The following ARHGAP10 variants were observed in gnomAD, a reference collection of about 807,000 sequenced individuals.
ARHGAP10 encodes Rho GTPase activating protein 10.
In ARHGAP10, 87 loss-of-function variants were observed where a neutral mutation model predicts 108.6. That is an observed-to-expected ratio of 0.80 (90% CI 0.67 to 0.96). The LOEUF (loss-of-function observed/expected upper bound fraction) is 0.96, where lower values mean the gene tolerates loss of function less well. Among genes scored for constraint, ARHGAP10 ranks in the 40% least tolerant of loss-of-function variants. The pLI, the probability that ARHGAP10 is intolerant of heterozygous loss-of-function variation, is 0.00. For missense variants in ARHGAP10, 939 were observed against 954.5 expected (o/e 0.98, Z 0.21); for synonymous variants, 347 against 341.1 (o/e 1.02, Z -0.19).
chr4:148,071,006 C>T (rs1467432176), intron 22 of ARHGAP10, among the ~76,000 whole-genome samples: 1 of 152,212 alleles, frequency 6.6e-6, no homozygotes, highest in East Asian at 1.9e-4. Flanking sequence ...TCCATTGTGC[C>T]AGGCACCATG....
intron 5 of ARHGAP10, chr4:147,858,039 G>A (rs10022691): frequency 0.16 from 24,332 of 152,398 alleles, 2,442 homozygotes; most frequent in African/African-American, 0.29. Context: ...GCGTTTATGT[G>A]AAGGCAGCAT....
At chr4:147,857,874 A>G in intron 5 of ARHGAP10, 1 of 254,532 alleles carries the variant, frequency 3.9e-6, no homozygotes. Flanking sequence ...TCATAGTAGT[A>G]AAATTTTTGT....
At position 147,751,688 on chromosome 4, in the gene ARHGAP10, A is replaced by G. The variant is rs115344336; in HGVS notation, c.154+19233A>G. Among the ~76,000 whole-genome samples, 590 of 151,490 alleles carry G rather than the reference A, an allele frequency of 3.9e-3. 5 individuals carry two copies. The highest frequency in any genetic ancestry group is 0.013 in the African/African-American group (551 of 40,996). On this transcript the variant is annotated intron_variant, in intron 1 of 22. Transcript: ENST00000336498. ...GGCCTTTTTTTGCTTTTTTTGGAGC[A>G]CTTGTGTTTCAGAGACTGTGCCCAG...
At chr4:147,893,458 A>C (rs113516826) in intron 10 of ARHGAP10, among the ~76,000 whole-genome samples, 7,711 of 142,558 alleles carry the variant, frequency 0.054, 640 homozygotes, top group African/African-American at 0.18. Context: ...TATTCTCTCT[A>C]TATATAATAC....
chr4:147,745,692 C>T (rs554927885), intron 1 of ARHGAP10, among the ~76,000 whole-genome samples: 115 of 151,974 alleles, frequency 7.6e-4, no homozygotes, highest in Non-Finnish European at 1.4e-3. Context: ...GGGGTTTCAC[C>T]GTGTTAGCCA....
intron 15 of ARHGAP10, among the ~76,000 whole-genome samples, chr4:147,948,026 C>T (rs767488963): frequency 1.1e-4 from 16 of 150,570 alleles, no homozygotes; most frequent in East Asian, 7.9e-4. Context: ...CTGCAACCTC[C>T]GCCTCCCGGG....
chr4:147,885,001 T>C (rs1219215661), intron 10 of ARHGAP10, among the ~76,000 whole-genome samples: 1 of 151,640 alleles, frequency 6.6e-6, no homozygotes, highest in African/African-American at 2.4e-5. Flanking sequence ...AGGGCCAGGA[T>C]TGGTGTGGTG....
intron 1 of ARHGAP10, among the ~76,000 whole-genome samples, chr4:147,774,962 G>T (rs1730226703): frequency 6.6e-6 from 1 of 151,100 alleles, no homozygotes; most frequent in Non-Finnish European, 1.5e-5. Context: ...TTGGAGTGCA[G>T]TGGCATGATC....
intron 1 of ARHGAP10, among the ~76,000 whole-genome samples, chr4:147,753,993 T>A (rs903633133): frequency 6.6e-6 from 1 of 152,194 alleles, no homozygotes; most frequent in African/African-American, 2.4e-5. Context: ...AGACCTAACG[T>A]TCCTAAAAAC....
chr4:148,063,237 C>A lies in ARHGAP10; in HGVS notation c.2117C>A (p.Ser706Ter), dbSNP rs767743549. 53 of 1,614,092 alleles carry A rather than the reference C, an allele frequency of 3.3e-5. No homozygotes were observed. The highest frequency in any genetic ancestry group is 4.4e-5 in the Non-Finnish European group (52 of 1,180,038). ...TSSNSAVTPL[S>*]PGSSPFPFSP... Reference sequence around the variant, plus strand: ...TCCAACTCAGCTGTGACACCTCTTTCACCCGGGTCGTCCCCTTTCCCCTTT... The same window carrying A: ...TCCAACTCAGCTGTGACACCTCTTTAACCCGGGTCGTCCCCTTTCCCCTTT... Residue 706 changes from serine to a stop codon, truncating the protein, a stop_gained, in exon 21 of 23, where the codon TCA becomes TAA. Coordinates refer to ENST00000336498, the MANE Select transcript of ARHGAP10 (RefSeq NM_024605.4). LOFTEE classifies it high-confidence loss of function.
chr4:147,976,475 A>T (rs1739600110), intron 18 of ARHGAP10, among the ~76,000 whole-genome samples: 1 of 151,340 alleles, frequency 6.6e-6, no homozygotes, highest in African/African-American at 2.4e-5. Flanking sequence ...ACTCCCCCCC[A>T]TCCCCAGTTT....
intron 17 of ARHGAP10, 57 bp downstream of exon 17, chr4:147,965,186 T>C (rs749329398): frequency 7.4e-6 from 10 of 1,358,296 alleles, no homozygotes; most frequent in East Asian, 2.5e-5. Context: ...TGCTGGGTAG[T>C]GCTCTGGGAT....
At chr4:148,040,821 G>GC (rs113717450) in intron 19 of ARHGAP10, among the ~76,000 whole-genome samples, 2 of 151,880 alleles carry the variant, frequency 1.3e-5, no homozygotes, top group African/African-American at 4.8e-5. Context: ...ATTTGGGGGG[G>GC]GTTATTTGGT....
chr4:147,886,128 G>GAT (rs1205288018), intron 10 of ARHGAP10, among the ~76,000 whole-genome samples: 1 of 152,210 alleles, frequency 6.6e-6, no homozygotes, highest in Non-Finnish European at 1.5e-5. Flanking sequence ...CCATTCCCAA[G>GAT]ATACCTCATT....
intron 19 of ARHGAP10, among the ~76,000 whole-genome samples, chr4:148,037,418 T>C (rs1412127643): frequency 6.6e-6 from 1 of 152,190 alleles, no homozygotes; most frequent in African/African-American, 2.4e-5. Context: ...ATTGTTCTGA[T>C]CCAATATGAC....
chr4:148,030,861 A>AG (rs1254844253), intron 19 of ARHGAP10, among the ~76,000 whole-genome samples: 1 of 145,732 alleles, frequency 6.9e-6, no homozygotes, highest in Non-Finnish European at 1.5e-5. Context: ...TTTAGATGAA[A>AG]GAAAAAAAAG....
chr4:147,751,406 C>G (rs924070247), intron 1 of ARHGAP10, among the ~76,000 whole-genome samples: 1 of 151,690 alleles, frequency 6.6e-6, no homozygotes, highest in Non-Finnish European at 1.5e-5. Context: ...TTCTTCCACC[C>G]AGGCCAGGGT....
chr4:147,887,402 G>C (rs1224542825), intron 10 of ARHGAP10, among the ~76,000 whole-genome samples: 1 of 150,282 alleles, frequency 6.7e-6, no homozygotes, highest in Non-Finnish European at 1.5e-5. Context: ...ATTAGTTTTG[G>C]CTCCCGGCAG....
At chr4:147,789,212 T>A (rs1016445170) in intron 1 of ARHGAP10, among the ~76,000 whole-genome samples, 1 of 152,230 alleles carries the variant, frequency 6.6e-6, no homozygotes, top group African/African-American at 2.4e-5. Context: ...CAGCATGGCA[T>A]AATTATTATC....
Sources: gnomAD v4.1 joint callset for allele counts (sites outside exome capture counted in the v4.1 genomes callset) on GRCh38, gnomAD v4.1.1 for gene constraint, MANE v1.5 for transcripts, NCBI Gene and HGNC (gene_info 2026-07-23, HGNC 2026-07-21) for gene names.